The following OR5K1 variants were observed in gnomAD, a reference collection of about 807,000 sequenced individuals.
OR5K1 encodes olfactory receptor 5K1.
Under a neutral mutation model 10.4 loss-of-function variants are expected in OR5K1, and 7 were observed. The ratio of observed to expected loss-of-function variants is 0.67; its 90% confidence interval spans 0.38 to 1.26. OR5K1 has a LOEUF of 1.26. Among genes scored for constraint, OR5K1 ranks in the 50% most tolerant of loss-of-function variants. The pLI is 0.02. For missense variants in OR5K1, 435 were observed against 366.2 expected, an observed-to-expected ratio of 1.19 and a Z score of -1.53; for synonymous variants, 135 against 128.5, an observed-to-expected ratio of 1.05 and a Z score of -0.34.
At position 98,470,687 on chromosome 3, in the gene OR5K1, G is replaced by C. The variant is rs949160963; in HGVS notation, c.*184G>C. 4 of 388,104 alleles carry C rather than the reference G, an allele frequency of 1.0e-5. No homozygotes were observed. The highest frequency in any genetic ancestry group is 8.4e-5 in the African/African-American group (4 of 47,672). 24.0% of individuals were successfully genotyped at this position (388,104 alleles called of 1,614,324 possible). ...GAATATACAAAAAAGAGTAAACTGT[G>C]GTAAATCTTAATTCAAAATAACAAA... On this transcript the variant is annotated 3_prime_UTR_variant, in exon 2 of 2. Coordinates refer to ENST00000642057, the MANE Select transcript of OR5K1 (RefSeq NM_001004736.4).
At chr3:98,469,425 C>A in intron 1 of OR5K1, 141 bp from the exon 2 acceptor site, 1 of 702,960 alleles carries the variant, frequency 1.4e-6, no homozygotes. Flanking sequence ...TTCATTCTCC[C>A]CATGAATGGG....
chr3:98,470,335 A>T lies in OR5K1; in HGVS notation c.759A>T (p.Gly253=). ...SHFLSVSLFY[G]SLFFMYVRPN... ...TTTTGTCAGTTTCATTATTCTATGG[A>T]TCTCTTTTCTTCATGTACGTTAGAC... Residue 253 remains glycine, a synonymous_variant, in exon 2 of 2, where the codon GGA becomes GGT. Transcript: ENST00000642057. 2.5e-6 allele frequency: 4 copies of T among 1,613,228 alleles called. No individual in the cohort carries two copies. Among genetic ancestry groups the T allele is most frequent in the Non-Finnish European group, 3.4e-6 (4 of 1,179,566 alleles).
intron 1 of OR5K1, among the ~76,000 whole-genome samples, chr3:98,465,628 G>A (rs907300396): frequency 6.6e-6 from 1 of 151,878 alleles, no homozygotes; most frequent in African/African-American, 2.4e-5. Context: ...CATTTTAATA[G>A]GCAAAATAAA....
intron 1 of OR5K1, among the ~76,000 whole-genome samples, chr3:98,466,002 C>T (rs1399880497): frequency 4.0e-5 from 6 of 151,638 alleles, no homozygotes; most frequent in East Asian, 1.9e-4. Flanking sequence ...CACCCACTAA[C>T]GTGTCATCTA....
chr3:98,469,645 G>A lies in OR5K1; in HGVS notation c.69G>A (p.Leu23=), dbSNP rs1705416675. Residue 23 remains leucine (L), a synonymous_variant, in exon 2 of 2, where the codon CTG becomes CTA. Coordinates refer to ENST00000642057, the MANE Select transcript of OR5K1 (RefSeq NM_001004736.4). ...ILTGFTDHPE[L]KTLLFVVFFA... is the part of the protein sequence containing the mutation. ...CAGGATTTACAGATCACCCTGAGCT[G>A]AAGACTCTGCTGTTTGTGGTGTTCT... The A allele has an allele frequency of 6.2e-7, 1 of 1,613,464 alleles. No homozygotes were observed. The highest frequency in any genetic ancestry group is 1.7e-5 in the Admixed American group (1 of 59,872).
Position 98,470,167 on chromosome 3 carries a change from G to A in OR5K1, c.591G>A (p.Leu197=), listed in dbSNP as rs1385435302. ...GTGTTGATCCTTATATCAATGAACT[G>A]GTTCTATTCATCTTCTCAGGTTCAG... ...LSCVDPYINE[L]VLFIFSGSVQ... is the part of the protein sequence containing the mutation. Residue 197 remains leucine, a synonymous_variant, in exon 2 of 2, where the codon CTG becomes CTA. Coordinates refer to ENST00000642057, the MANE Select transcript of OR5K1 (RefSeq NM_001004736.4). The A allele has an allele frequency of 6.2e-7, 1 of 1,613,222 alleles. No individual in the cohort carries two copies. Among genetic ancestry groups the A allele is most frequent in the Non-Finnish European group, 8.5e-7 (1 of 1,179,518 alleles).
Position 98,469,599 on chromosome 3 carries a change from T to G in OR5K1, c.23T>G (p.Met8Arg). 1 of 1,609,472 alleles carries G rather than the reference T, an allele frequency of 6.2e-7. No individual in the cohort carries two copies. Among genetic ancestry groups the G allele is most frequent in the Non-Finnish European group, 8.5e-7 (1 of 1,177,450 alleles). Residue 8 changes from methionine to arginine, a missense_variant, in exon 2 of 2, where the codon ATG becomes AGG. Coordinates refer to ENST00000642057, the MANE Select transcript of OR5K1 (RefSeq NM_001004736.4). ...GGAATGGCTGAAGAAAATCATACCA[T>G]GAAAAATGAGTTTATCCTCACAGGA... Reference protein sequence around the residue: MAEENHTMKNEFILTGFT... With the variant: MAEENHTRKNEFILTGFT...
chr3:98,466,103 G>A (rs1267507255), intron 1 of OR5K1, among the ~76,000 whole-genome samples: 2 of 151,050 alleles, frequency 1.3e-5, no homozygotes, highest in East Asian at 3.9e-4. Flanking sequence ...CTGTGTCCAT[G>A]TGATCTCATT....
Position 98,469,683 on chromosome 3 carries a change from T to A in OR5K1, c.107T>A (p.Leu36Gln). The change falls in exon 2 of 2, where the codon CTG becomes CAG. Residue 36 changes from leucine (L) to glutamine (Q), a missense_variant. Coordinates refer to ENST00000642057, the MANE Select transcript of OR5K1 (RefSeq NM_001004736.4). ...LLFVVFFAIYLITVVGNISLV... is the reference protein window; with the variant it reads ...LLFVVFFAIYQITVVGNISLV... ...TTTGTGGTGTTCTTTGCCATCTATC[T>A]GATCACCGTGGTGGGGAATATTAGT... 6.2e-7 allele frequency: 1 copy of A among 1,613,754 alleles called. No homozygotes were observed. Among genetic ancestry groups the A allele is most frequent in the Non-Finnish European group, 8.5e-7 (1 of 1,179,788 alleles).
At chr3:98,464,832 A>C (rs1705352160) in intron 1 of OR5K1, among the ~76,000 whole-genome samples, 2 of 152,182 alleles carry the variant, frequency 1.3e-5, no homozygotes, top group African/African-American at 4.8e-5. Context: ...TTGCCAGCAA[A>C]TTCCTATTAT....
chr3:98,464,390 C>G (rs1419793961), intron 1 of OR5K1, among the ~76,000 whole-genome samples: 1 of 152,122 alleles, frequency 6.6e-6, no homozygotes, highest in Non-Finnish European at 1.5e-5. Flanking sequence ...TCCTCTGTTC[C>G]CAAACTTCGG....
In OR5K1 at chr3:98,470,556, G is replaced by A; in HGVS notation, c.*53G>A. 9.1e-7 allele frequency: 1 copy of A among 1,100,086 alleles called. No individual in the cohort carries two copies. The highest frequency in any genetic ancestry group is 1.3e-6 in the Non-Finnish European group (1 of 767,074). 68.1% of individuals were successfully genotyped at this position (1,100,086 alleles called of 1,614,324 possible). A position where few individuals can be genotyped will look rare whatever the true frequency, so the allele number is the denominator to read the frequency against. On this transcript the variant is annotated 3_prime_UTR_variant, in exon 2 of 2. Transcript: ENST00000642057. ...TCTACTATAGCTTAATGATTTAAATGCAGCAAAAACTTCCATGTGAAATTA... is the reference window on the plus strand; with the variant it reads ...TCTACTATAGCTTAATGATTTAAATACAGCAAAAACTTCCATGTGAAATTA...
chr3:98,470,973 C>T lies in OR5K1; in HGVS notation c.*470C>T, dbSNP rs12632043. 52,970 of 152,010 alleles carry T rather than the reference C, an allele frequency of 0.35. 9,381 individuals are homozygous for T. The highest frequency in any genetic ancestry group is 0.47 in the Middle Eastern group (137 of 292). The allele number at this position is 152,010 out of a possible 1,614,324, so 9.4% of individuals were successfully genotyped here. A position where few individuals can be genotyped will look rare whatever the true frequency, so the allele number is the denominator to read the frequency against. Reference sequence around the variant, plus strand: ...TAAAATCACTTACATCCATGAGCAACAAAATTGTGACAAGCGAATTTTGAG... The same window carrying T: ...TAAAATCACTTACATCCATGAGCAATAAAATTGTGACAAGCGAATTTTGAG... On this transcript the variant is annotated 3_prime_UTR_variant, in exon 2 of 2. Coordinates refer to ENST00000642057, the MANE Select transcript of OR5K1 (RefSeq NM_001004736.4).
At chr3:98,469,230 A>T (rs1304302552) in intron 1 of OR5K1, among the ~76,000 whole-genome samples, 1 of 152,114 alleles carries the variant, frequency 6.6e-6, no homozygotes, top group Non-Finnish European at 1.5e-5. Context: ...AGAGCTAAAC[A>T]CTGAGTACAC....
At chr3:98,468,171 T>A (rs1366898781) in intron 1 of OR5K1, among the ~76,000 whole-genome samples, 6 of 152,042 alleles carry the variant, frequency 3.9e-5, no homozygotes, top group Non-Finnish European at 8.8e-5. Context: ...TCCGTCCACA[T>A]TCCTTTTCCT....
intron 1 of OR5K1, among the ~76,000 whole-genome samples, chr3:98,468,112 T>C (rs1425086401): frequency 6.6e-6 from 1 of 152,076 alleles, no homozygotes; most frequent in Non-Finnish European, 1.5e-5. Flanking sequence ...TGGTTTCTAG[T>C]ATAGGCATTT....
At chr3:98,463,742 C>A (rs1705338546) in intron 1 of OR5K1, among the ~76,000 whole-genome samples, 3 of 152,056 alleles carry the variant, frequency 2.0e-5, no homozygotes. Context: ...ACCAGTCTTT[C>A]AAATCCCAAT....
At chr3:98,467,949 C>G (rs912660102) in intron 1 of OR5K1, among the ~76,000 whole-genome samples, 1 of 151,402 alleles carries the variant, frequency 6.6e-6, no homozygotes, top group Non-Finnish European at 1.5e-5. Context: ...TGAATAGGAG[C>G]GGTGAGAGAG....
chr3:98,471,038 TAGAA>T lies in OR5K1; in HGVS notation c.*538_*541del, dbSNP rs747638309. 10 of 152,098 alleles carry T rather than the reference TAGAA, an allele frequency of 6.6e-5. No homozygotes were observed. The highest frequency in any genetic ancestry group is 1.9e-4 in the East Asian group (1 of 5,180). The allele number at this position is 152,098 out of a possible 1,614,324, so 9.4% of individuals were successfully genotyped here. A position where few individuals can be genotyped will look rare whatever the true frequency, so the allele number is the denominator to read the frequency against. On this transcript the variant is annotated 3_prime_UTR_variant, in exon 2 of 2. Transcript: ENST00000642057. Reference sequence around the variant, plus strand: ...AGCATTATGGGGACATTACTGTAGTTAGAAAGGAAGTATTAGGAAAACGAAGGTG... The same window carrying T: ...AGCATTATGGGGACATTACTGTAGTTAGGAAGTATTAGGAAAACGAAGGTG...
Sources: allele counts gnomAD v4.1 joint callset (sites outside exome capture counted in the v4.1 genomes callset), GRCh38; gene constraint gnomAD v4.1.1; transcripts MANE v1.5; gene names NCBI Gene and HGNC (gene_info 2026-07-23, HGNC 2026-07-21).